XKR6: variants seen among roughly 807,000 people sequenced by gnomAD.
The protein encoded by XKR6 is XK-related protein 6.
XKR6 carries 22 observed loss-of-function variants against 56.7 expected under a neutral mutation model. That is an observed-to-expected ratio of 0.39 (90% confidence interval 0.28 to 0.55). The LOEUF (loss-of-function observed/expected upper bound fraction) is 0.55, where lower values mean the gene tolerates loss of function less well. Ranked by LOEUF, XKR6 falls within the 20% of genes least tolerant of loss-of-function variation. The pLI is 0.66. For synonymous variants in XKR6, 524 were observed against 387.8 expected, an observed-to-expected ratio of 1.35 and a Z score of -4.13; for missense variants, 852 against 889.0, an observed-to-expected ratio of 0.96 and a Z score of 0.53.
intron 1 of XKR6, among the ~76,000 whole-genome samples, chr8:11,107,340 C>G (rs1183021035): frequency 6.6e-6 from 1 of 152,060 alleles, no homozygotes; most frequent in Non-Finnish European, 1.5e-5. Flanking sequence ...GCTGAGACTA[C>G]AAGTGCACAC....
chr8:11,040,077 C>T (rs960957364), intron 1 of XKR6, among the ~76,000 whole-genome samples: 3 of 152,242 alleles, frequency 2.0e-5, no homozygotes, highest in East Asian at 1.9e-4. Flanking sequence ...AAGAAGAAAA[C>T]GGAGGCCCAG....
chr8:11,166,829 T>G (rs1802100989), intron 1 of XKR6, among the ~76,000 whole-genome samples: 1 of 152,160 alleles, frequency 6.6e-6, no homozygotes, highest in Non-Finnish European at 1.5e-5. Flanking sequence ...CGCCTCGACC[T>G]CTCAAAAACT....
intron 1 of XKR6, chr8:11,114,010 C>G: frequency 2.5e-6 from 1 of 398,384 alleles, no homozygotes; most frequent in Non-Finnish European, 4.8e-6. Flanking sequence ...CAGGACGAGG[C>G]GATCGCTCAC....
intron 1 of XKR6, chr8:11,063,098 C>T (rs1799881416): frequency 3.3e-6 from 1 of 305,376 alleles, no homozygotes; most frequent in Non-Finnish European, 6.4e-6. Context: ...TGCAGTGGCT[C>T]ATGGCTGTAA....
At chr8:10,974,519 C>T (rs921741545) in intron 1 of XKR6, among the ~76,000 whole-genome samples, 5 of 152,326 alleles carry the variant, frequency 3.3e-5, no homozygotes, top group African/African-American at 9.6e-5. Context: ...AGTTCCCAGG[C>T]AGCTCAGCCA....
At chr8:11,047,686 T>C (rs1016817433) in intron 1 of XKR6, among the ~76,000 whole-genome samples, 3 of 152,216 alleles carry the variant, frequency 2.0e-5, no homozygotes, top group Non-Finnish European at 2.9e-5. Flanking sequence ...GCAAGAGTTC[T>C]GGCGATGGAT....
At chr8:11,159,197 T>C (rs975976631) in intron 1 of XKR6, among the ~76,000 whole-genome samples, 2 of 152,212 alleles carry the variant, frequency 1.3e-5, no homozygotes, top group African/African-American at 2.4e-5. Context: ...CCCAGAGGGG[T>C]ACCCAATTCT....
In XKR6 at chr8:11,145,650, G is replaced by A. The variant is rs139434211; in HGVS notation, c.764+54926C>T. Among the ~76,000 whole-genome samples the A allele has an allele frequency of 3.9e-4, 59 of 152,132 alleles. No homozygotes were observed. In the East Asian group the frequency reaches 7.9e-3, roughly 20 times the overall value. On this transcript the variant is annotated intron_variant, in intron 1 of 2. Coordinates refer to ENST00000416569, the MANE Select transcript of XKR6 (RefSeq NM_173683.4). ...GAAACAGAGAGAAATCTGACAAAAGGTGCACAGGAACTTTACACTGAGAAC... is the reference window on the plus strand; with the variant it reads ...GAAACAGAGAGAAATCTGACAAAAGATGCACAGGAACTTTACACTGAGAAC...
chr8:11,082,585 G>C (rs1351840759), intron 1 of XKR6, among the ~76,000 whole-genome samples: 1 of 152,220 alleles, frequency 6.6e-6, no homozygotes, highest in Non-Finnish European at 1.5e-5. Context: ...CGGACCACCT[G>C]GCTCCTCCTC....
intron 1 of XKR6, among the ~76,000 whole-genome samples, chr8:11,041,306 C>A (rs1322002457): frequency 6.6e-6 from 1 of 152,220 alleles, no homozygotes; most frequent in East Asian, 1.9e-4. Flanking sequence ...GCCTGTAATC[C>A]CAGCACTTTG....
intron 1 of XKR6, among the ~76,000 whole-genome samples, chr8:11,125,469 C>T (rs76469923): frequency 6.6e-6 from 1 of 152,072 alleles, no homozygotes; most frequent in Non-Finnish European, 1.5e-5. Context: ...TACCACAGAA[C>T]AGGTGGGAGC....
At chr8:11,052,933 GC>G (rs1217356009) in intron 1 of XKR6, among the ~76,000 whole-genome samples, 8 of 152,218 alleles carry the variant, frequency 5.3e-5, no homozygotes, top group Non-Finnish European at 1.0e-4. Context: ...CACCGCTGAA[GC>G]CCCGGCCTGT....
chr8:11,013,286 C>T (rs1316705397), intron 1 of XKR6, among the ~76,000 whole-genome samples: 2 of 152,186 alleles, frequency 1.3e-5, no homozygotes, highest in South Asian at 2.1e-4. Flanking sequence ...ACCTTCACCA[C>T]CATGTGGTTT....
chr8:10,905,065 T>C (rs1800149052), intron 2 of XKR6, among the ~76,000 whole-genome samples: 1 of 152,170 alleles, frequency 6.6e-6, no homozygotes, highest in Admixed American at 6.5e-5. Context: ...CAGCTCCTTC[T>C]TCCTGGCTTG....
At chr8:11,147,385 G>A (rs981988257) in intron 1 of XKR6, among the ~76,000 whole-genome samples, 6 of 152,174 alleles carry the variant, frequency 3.9e-5, no homozygotes, top group Non-Finnish European at 7.4e-5. Context: ...ATGGATGGCG[G>A]CCAGGCGCGG....
intron 1 of XKR6, among the ~76,000 whole-genome samples, chr8:11,179,923 A>G (rs1010140484): frequency 6.6e-6 from 1 of 152,168 alleles, no homozygotes; most frequent in African/African-American, 2.4e-5. Context: ...GCTCAAGCCC[A>G]GGAGTTCAAG....
chr8:10,912,449 A>G (rs1313993211), intron 2 of XKR6, among the ~76,000 whole-genome samples: 4 of 64,508 alleles, frequency 6.2e-5, no homozygotes, highest in South Asian at 5.5e-4. Context: ...AGGTGAGTGT[A>G]TATATATATA....
intron 1 of XKR6, among the ~76,000 whole-genome samples, chr8:10,979,213 TCCTGGAAGGGCC>T (rs937334285): frequency 4.0e-5 from 6 of 151,872 alleles, no homozygotes; most frequent in African/African-American, 1.5e-4. Flanking sequence ...TAGGAAGGGC[TCCTGGAAGGGCC>T]AGGCCCACTA....
In XKR6 at chr8:10,907,766, T is replaced by C. The variant is rs556271637; in HGVS notation, c.962-8850A>G. ...TGGTTAACATATGTCAGCCCTCTGA[T>C]CACCTCTGTGAGCATTGACAAAGTC... is the stretch of plus-strand genomic sequence containing the variant. On this transcript the variant is annotated intron_variant, in intron 2 of 2. Coordinates refer to ENST00000416569, the MANE Select transcript of XKR6 (RefSeq NM_173683.4). 2.9e-3 allele frequency among the ~76,000 whole-genome samples: 437 copies of C among 152,360 alleles called. 17 individuals carry two copies. The highest frequency in any genetic ancestry group is 3.0e-3 in the Non-Finnish European group (201 of 68,032).
Sources: allele counts gnomAD v4.1 joint callset (sites outside exome capture counted in the v4.1 genomes callset), GRCh38; gene constraint gnomAD v4.1.1; transcripts MANE v1.5; gene names NCBI Gene and HGNC (gene_info 2026-07-23, HGNC 2026-07-21).